CADM2: variants seen among roughly 807,000 people sequenced by gnomAD.
CADM2 encodes immunoglobulin superfamily member 4D.
CADM2 carries 12 observed loss-of-function variants against 49.8 expected under a neutral mutation model. The ratio of observed to expected loss-of-function variants is 0.24; its 90% CI spans 0.15 to 0.39. The LOEUF (loss-of-function observed/expected upper bound fraction) is 0.39, where lower values mean the gene tolerates loss of function less well. Among genes scored for constraint, CADM2 ranks in the 10% least tolerant of loss-of-function variants. CADM2 has a pLI of 1.00. For synonymous variants in CADM2, 214 were observed against 175.4 expected (o/e 1.22, Z -1.74); for missense variants, 378 against 492.3 (o/e 0.77, Z 2.20).
intron 8 of CADM2, among the ~76,000 whole-genome samples, chr3:85,989,823 C>A (rs934675472): frequency 1.4e-4 from 21 of 151,312 alleles, no homozygotes; most frequent in African/African-American, 4.9e-4. Context: ...ACCAGCCTGC[C>A]CAACATGGTG....
intron 1 of CADM2, among the ~76,000 whole-genome samples, chr3:85,530,313 C>CT (rs1163246890): frequency 8.2e-6 from 1 of 122,460 alleles, no homozygotes; most frequent in Non-Finnish European, 1.6e-5. Flanking sequence ...AGTTAGACTT[C>CT]TTTTCTCCGT....
chr3:86,057,101 A>G (rs897707987), intron 8 of CADM2, among the ~76,000 whole-genome samples: 2 of 152,144 alleles, frequency 1.3e-5, no homozygotes, highest in Non-Finnish European at 2.9e-5. Flanking sequence ...TAGTATTCTT[A>G]AGCGTTTTTG....
At chr3:85,064,514 C>T (rs115372839) in intron 1 of CADM2, among the ~76,000 whole-genome samples, 34 of 152,138 alleles carry the variant, frequency 2.2e-4, no homozygotes, top group African/African-American at 7.9e-4. Flanking sequence ...ATGTTTTACC[C>T]TGAACTAGTA....
intron 6 of CADM2, among the ~76,000 whole-genome samples, chr3:85,924,067 T>A (rs896386965): frequency 1.3e-5 from 2 of 152,194 alleles, no homozygotes; most frequent in Admixed American, 6.5e-5. Context: ...AGAAACATAG[T>A]GTCACCAAAA....
intron 1 of CADM2, among the ~76,000 whole-genome samples, chr3:85,162,286 T>C (rs893203186): frequency 2.0e-5 from 3 of 152,152 alleles, no homozygotes; most frequent in African/African-American, 7.2e-5. Context: ...AGAAAAAATA[T>C]ATATGCCATA....
chr3:85,010,975 T>C (rs888218823), intron 1 of CADM2, among the ~76,000 whole-genome samples: 1 of 144,712 alleles, frequency 6.9e-6, no homozygotes, highest in Non-Finnish European at 1.5e-5. Context: ...TCCATTCTCC[T>C]GCCTCAGTCT....
At chr3:85,508,148 T>C (rs1271041158) in intron 1 of CADM2, among the ~76,000 whole-genome samples, 1 of 152,204 alleles carries the variant, frequency 6.6e-6, no homozygotes, top group South Asian at 2.1e-4. Context: ...GACTGTCCTA[T>C]TTCGCTTCAG....
chr3:85,726,366 A>T (rs1258546117), intron 1 of CADM2, 156 bp from the exon 2 acceptor site: 1 of 776,378 alleles, frequency 1.3e-6, no homozygotes, highest in Non-Finnish European at 2.2e-6. Flanking sequence ...AACTAAATGT[A>T]ACAATAGTCA....
chr3:85,941,251 G>A (rs543984615), intron 7 of CADM2, among the ~76,000 whole-genome samples: 1 of 152,146 alleles, frequency 6.6e-6, no homozygotes, highest in Non-Finnish European at 1.5e-5. Context: ...CAACTCAGAA[G>A]TCTTACTTAT....
At chr3:85,364,969 A>G (rs1206862121) in intron 1 of CADM2, among the ~76,000 whole-genome samples, 1 of 152,178 alleles carries the variant, frequency 6.6e-6, no homozygotes, top group Non-Finnish European at 1.5e-5. Context: ...AAATGGCACG[A>G]TGTTATTTTT....
intron 2 of CADM2, among the ~76,000 whole-genome samples, chr3:85,776,372 AAGAGAG>A (rs2070362419): frequency 7.0e-6 from 1 of 142,112 alleles, no homozygotes; most frequent in African/African-American, 2.6e-5. Context: ...CACAGAGTGA[AAGAGAG>A]AGAAAGATAA....
chr3:85,530,867 TACACACACACACAC>T (rs71617940), intron 1 of CADM2, among the ~76,000 whole-genome samples: 59 of 136,936 alleles, frequency 4.3e-4, no homozygotes, highest in South Asian at 9.8e-4. Context: ...TATGTAAAAA[TACACACACACACAC>T]ACACACACAC....
At chr3:85,624,242 T>C (rs1407611324) in intron 1 of CADM2, among the ~76,000 whole-genome samples, 1 of 152,180 alleles carries the variant, frequency 6.6e-6, no homozygotes, top group African/African-American at 2.4e-5. Flanking sequence ...TTCAGATTCT[T>C]AGTGTTAACA....
intron 1 of CADM2, among the ~76,000 whole-genome samples, chr3:85,671,016 T>A (rs2065719512): frequency 6.6e-6 from 1 of 152,180 alleles, no homozygotes; most frequent in Non-Finnish European, 1.5e-5. Flanking sequence ...TGATATTTTT[T>A]TCCAACTAGT....
intron 1 of CADM2, among the ~76,000 whole-genome samples, chr3:85,270,375 G>A (rs1447292731): frequency 6.6e-6 from 1 of 151,272 alleles, no homozygotes; most frequent in East Asian, 1.9e-4. Flanking sequence ...CTCTATATAT[G>A]CATATGTTCT....
chr3:85,260,925 T>C (rs1449121012), intron 1 of CADM2, among the ~76,000 whole-genome samples: 1 of 152,140 alleles, frequency 6.6e-6, no homozygotes, highest in Non-Finnish European at 1.5e-5. Flanking sequence ...TTGCAATCGG[T>C]TCTCAGAAAT....
chr3:85,488,248 A>C (rs1299660133), intron 1 of CADM2, among the ~76,000 whole-genome samples: 2 of 152,214 alleles, frequency 1.3e-5, no homozygotes, highest in East Asian at 3.9e-4. Flanking sequence ...GTCCACATGT[A>C]AATTAAATTA....
intron 1 of CADM2, among the ~76,000 whole-genome samples, chr3:85,224,741 T>C (rs1296181641): frequency 1.3e-5 from 2 of 152,130 alleles, no homozygotes; most frequent in African/African-American, 4.8e-5. Context: ...TTAGGTCTTA[T>C]GTTTAAGTCT....
intron 2 of CADM2, among the ~76,000 whole-genome samples, chr3:85,748,657 G>T (rs895997145): frequency 1.3e-5 from 2 of 152,090 alleles, no homozygotes; most frequent in African/African-American, 4.8e-5. Context: ...TTCCACAGCT[G>T]CCCTCATCCT....
Sources: allele counts gnomAD v4.1 joint callset (sites outside exome capture counted in the v4.1 genomes callset), GRCh38; gene constraint gnomAD v4.1.1; transcripts MANE v1.5; gene names NCBI Gene and HGNC (gene_info 2026-07-23, HGNC 2026-07-21).